NCOR2: variants seen among roughly 807,000 people sequenced by gnomAD.
The protein encoded by NCOR2 is CTG repeat protein 26.
Under a neutral mutation model 262.9 loss-of-function variants are expected in NCOR2, and 81 were observed. The ratio of observed to expected loss-of-function variants is 0.31; its 90% CI spans 0.26 to 0.37. NCOR2 has a LOEUF of 0.37. NCOR2 is among the 10% of genes least tolerant of loss of function. The pLI, the probability that NCOR2 is intolerant of heterozygous loss-of-function variation, is 1.00. For synonymous variants in NCOR2, 1,659 were observed against 1,559.3 expected, an observed-to-expected ratio of 1.06 and a Z score of -1.51; for missense variants, 3,385 against 3,621.4, an observed-to-expected ratio of 0.93 and a Z score of 1.68.
chr12:124,399,154 G>GCC (rs2041858905), intron 15 of NCOR2, among the ~76,000 whole-genome samples: 1 of 152,038 alleles, frequency 6.6e-6, no homozygotes, highest in South Asian at 2.1e-4. Flanking sequence ...CCCATGGGCA[G>GCC]CCCCATCAGC....
At chr12:124,363,738 G>C (rs2038798043) in exon 21 of NCOR2, 2 of 1,405,328 alleles carry the variant, frequency 1.4e-6, no homozygotes, top group African/African-American at 3.0e-5. Context: ...GGCTTCTGGG[G>C]TGAGGCATTG....
intron 1 of NCOR2, among the ~76,000 whole-genome samples, chr12:124,550,400 C>T (rs1287249041): frequency 6.6e-6 from 1 of 152,186 alleles, no homozygotes; most frequent in Non-Finnish European, 1.5e-5. Flanking sequence ...CTGCCAAATA[C>T]CTGCCCCATC....
chr12:124,366,087 G>A (rs2039013945), intron 20 of NCOR2, among the ~76,000 whole-genome samples: 1 of 152,172 alleles, frequency 6.6e-6, no homozygotes, highest in Non-Finnish European at 1.5e-5. Context: ...GCCACTCCTA[G>A]GCACACACCA....
intron 4 of NCOR2, among the ~76,000 whole-genome samples, chr12:124,472,495 C>T (rs1195730583): frequency 6.6e-6 from 1 of 152,110 alleles, no homozygotes; most frequent in African/African-American, 2.4e-5. Context: ...GGCTGTTTCC[C>T]CACATTACAG....
chr12:124,537,334 C>G (rs1284325689), upstream of NCOR2, among the ~76,000 whole-genome samples: 1 of 152,230 alleles, frequency 6.6e-6, no homozygotes, highest in Non-Finnish European at 1.5e-5. Flanking sequence ...TCAGTCTCAA[C>G]GGACCTCTGG....
At position 124,483,617 on chromosome 12, in the gene NCOR2, C is replaced by T. The variant is rs577563958; in HGVS notation, c.390G>A (p.Ala130=). ...TTACCTTGGTGAGGTCTTCAGATCC[C>T]GCAGGCTGGCCCGTGGCCAGCAGGG... The change falls in exon 3 of 47, where the codon GCG becomes GCA. Residue 130 remains alanine, a synonymous_variant. Transcript: ENST00000405201. The surrounding 1 kb of genome is among the most constrained non-coding windows in gnomAD (Gnocchi z 6.3). 201 of 1,606,262 alleles carry T rather than the reference C, an allele frequency of 1.3e-4. No homozygotes were observed. Among genetic ancestry groups the T allele is most frequent in the South Asian group, 1.4e-4 (13 of 89,708 alleles).
At chr12:124,347,046 G>A (rs2036989498) in intron 30 of NCOR2, among the ~76,000 whole-genome samples, 196 bp from the exon 33 acceptor site, 1 of 152,210 alleles carries the variant, frequency 6.6e-6, no homozygotes, top group Non-Finnish European at 1.5e-5. Flanking sequence ...AACCACCTCA[G>A]CAAGTCGGGA....
At position 124,440,894 on chromosome 12, in the gene NCOR2, C is replaced by T. The variant is rs920879842; in HGVS notation, c.816-2898G>A. On this transcript the variant is annotated intron_variant, in intron 7 of 46. Coordinates refer to ENST00000405201, the Ensembl canonical transcript of NCOR2. This position sits in a 1 kb window ranked among gnomAD's most constrained non-coding sequence, Gnocchi z 5.7. Reference sequence around the variant, plus strand: ...AAGGAAGGGAACTCCAGCTGGAGGGCACCGCAGGAGACAGGAACAAACTCT... The same window carrying T: ...AAGGAAGGGAACTCCAGCTGGAGGGTACCGCAGGAGACAGGAACAAACTCT... Among the ~76,000 whole-genome samples the T allele has an allele frequency of 6.6e-6, 1 of 152,070 alleles. No homozygotes were observed. Among genetic ancestry groups the T allele is most frequent in the African/African-American group, 2.4e-5 (1 of 41,402 alleles).
chr12:124,502,533 A>G (rs1297024836), intron 1 of NCOR2, among the ~76,000 whole-genome samples: 5 of 152,150 alleles, frequency 3.3e-5, no homozygotes. Flanking sequence ...GAGGGAGTCT[A>G]CACAGCAGGC....
At chr12:124,388,114 T>C (rs922579657) in intron 16 of NCOR2, among the ~76,000 whole-genome samples, 4 of 152,078 alleles carry the variant, frequency 2.6e-5, no homozygotes, top group African/African-American at 9.7e-5. Context: ...CAGCCCTTCC[T>C]GAAAACATAC....
intron 11 of NCOR2, among the ~76,000 whole-genome samples, chr12:124,425,396 A>G (rs2043473685): frequency 6.6e-6 from 1 of 151,242 alleles, no homozygotes; most frequent in African/African-American, 2.4e-5. Flanking sequence ...GAAAAAAAGG[A>G]AAAAAAAACC....
chr12:124,442,896 G>A (rs888284908), intron 7 of NCOR2, among the ~76,000 whole-genome samples: 8 of 152,174 alleles, frequency 5.3e-5, no homozygotes, highest in African/African-American at 1.9e-4. Context: ...ACGGAGGGGA[G>A]ATGACGCGAA....
At chr12:124,343,085 C>T (rs1241890570) in exon 33 of NCOR2, 3 of 1,612,440 alleles carry the variant, frequency 1.9e-6, no homozygotes, top group Non-Finnish European at 2.5e-6. Context: ...GTCCACGCCA[C>T]TCACGCCCCG....
At chr12:124,349,195 C>T (rs2037212552) in intron 28 of NCOR2, among the ~76,000 whole-genome samples, 1 of 152,194 alleles carries the variant, frequency 6.6e-6, no homozygotes, top group South Asian at 2.1e-4. Flanking sequence ...CCCGGACAGG[C>T]AGAGAGGTGA....
chr12:124,560,421 T>G (rs1238891617), intron 1 of NCOR2, among the ~76,000 whole-genome samples: 3 of 152,254 alleles, frequency 2.0e-5, no homozygotes, highest in African/African-American at 7.2e-5. Context: ...TTCTTTCGAT[T>G]TTTTTCAACC....
At chr12:124,360,515 C>A (rs539022675) in intron 22 of NCOR2, among the ~76,000 whole-genome samples, 1 of 152,326 alleles carries the variant, frequency 6.6e-6, no homozygotes, top group East Asian at 1.9e-4. Context: ...AATCAGATAA[C>A]AAGCACCTCC....
At chr12:124,435,146 A>G (rs917543556) in intron 8 of NCOR2, among the ~76,000 whole-genome samples, 2 of 152,080 alleles carry the variant, frequency 1.3e-5, no homozygotes, top group African/African-American at 4.8e-5. Context: ...CCTGACTCCC[A>G]GATCCGCACA....
chr12:124,537,474 C>G (rs1026533179), upstream of NCOR2, among the ~76,000 whole-genome samples: 10 of 152,214 alleles, frequency 6.6e-5, no homozygotes, highest in African/African-American at 2.4e-4. Context: ...AGGTTCCAAT[C>G]TGGCCTCCAC....
At chr12:124,557,948 C>T (rs746407200) in intron 1 of NCOR2, among the ~76,000 whole-genome samples, 2 of 152,134 alleles carry the variant, frequency 1.3e-5, no homozygotes, top group Non-Finnish European at 2.9e-5. Context: ...CCCATGCTGA[C>T]AGGCCTGGCC....
Sources: gnomAD v4.1 joint callset for allele counts (sites outside exome capture counted in the v4.1 genomes callset) on GRCh38, gnomAD v4.1.1 for gene constraint, Gnocchi (gnomAD v3.1) non-coding constraint, MANE v1.5 for transcripts, NCBI Gene and HGNC (gene_info 2026-07-23, HGNC 2026-07-21) for gene names.